PDE5A: variants seen among roughly 807,000 people sequenced by gnomAD.
PDE5A encodes cGMP-specific 3',5'-cyclic phosphodiesterase.
A neutral mutation model predicts 110.2 loss-of-function variants in PDE5A; 67 were observed. The ratio of observed to expected loss-of-function variants is 0.61; its 90% confidence interval spans 0.50 to 0.75. The LOEUF (loss-of-function observed/expected upper bound fraction) is 0.75, where lower values mean the gene tolerates loss of function less well. PDE5A is among the 30% of genes least tolerant of loss of function. The probability of loss-of-function intolerance (pLI) is 0.00; values close to 1 mark genes in which losing one functional copy is unlikely to be tolerated. For synonymous variants in PDE5A, 328 were observed against 351.2 expected (o/e 0.93, Z 0.74); for missense variants, 862 against 1,045.1 (o/e 0.82, Z 2.42).
At position 119,544,769 on chromosome 4, in the gene PDE5A, C is replaced by T. The variant is rs1173384256; in HGVS notation, c.1397-2135G>A. ...GCAATCTGCGAGGCTTATGACCTAG[C>T]TAAGTATCTCTCCAGTACAGCAGTT... On this transcript the variant is annotated intron_variant, in intron 9 of 20. Transcript: ENST00000354960. Among the ~76,000 whole-genome samples, 6 of 152,302 alleles carry T rather than the reference C, an allele frequency of 3.9e-5. No individual in the cohort carries two copies. In the East Asian group the frequency reaches 1.2e-3, roughly 29 times the overall value.
intron 3 of PDE5A, 147 bp downstream of exon 3, chr4:119,596,375 AG>A (rs1729151509): frequency 2.2e-6 from 1 of 454,072 alleles, no homozygotes; most frequent in Non-Finnish European, 3.9e-6. Flanking sequence ...AAATCTAAAT[AG>A]AAAAAAAATC....
At chr4:119,523,548 A>C (rs1726203628) in intron 12 of PDE5A, among the ~76,000 whole-genome samples, 1 of 152,038 alleles carries the variant, frequency 6.6e-6, no homozygotes, top group Non-Finnish European at 1.5e-5. Flanking sequence ...TTCAAGTTTG[A>C]TGTTGGCCAG....
intron 14 of PDE5A, among the ~76,000 whole-genome samples, chr4:119,512,172 A>G (rs1180592086): frequency 6.6e-6 from 1 of 152,144 alleles, no homozygotes; most frequent in Non-Finnish European, 1.5e-5. Context: ...GGGGGAAAAA[A>G]TGGGTAAAGT....
intron 1 of PDE5A, among the ~76,000 whole-genome samples, chr4:119,608,832 T>C (rs1038309883): frequency 6.6e-6 from 1 of 152,198 alleles, no homozygotes; most frequent in Non-Finnish European, 1.5e-5. Context: ...TATAGGGATG[T>C]AGTCACTCTC....
chr4:119,575,276 A>C (rs1728292193), intron 3 of PDE5A, among the ~76,000 whole-genome samples: 1 of 152,238 alleles, frequency 6.6e-6, no homozygotes. Flanking sequence ...GATATTATAC[A>C]GGAGAACTTC....
intron 1 of PDE5A, among the ~76,000 whole-genome samples, chr4:119,624,461 T>A (rs978728170): frequency 6.6e-6 from 1 of 152,178 alleles, no homozygotes; most frequent in African/African-American, 2.4e-5. Flanking sequence ...CCTCAATTAA[T>A]TCAGCACAGC....
Position 119,611,036 on chromosome 4 carries a change from T to G in PDE5A, c.153-3739A>C, listed in dbSNP as rs568982189. ...CCTACAAATAGGTTCCTCTCGCCCA[T>G]GCCAGCATCCTTGGCGCTCCTGAAG... On this transcript the variant is annotated intron_variant, in intron 1 of 20. Transcript: ENST00000354960. Among the ~76,000 whole-genome samples the G allele has an allele frequency of 2.6e-5, 4 of 152,324 alleles. No homozygotes were observed. The South Asian group carries it at 8.3e-4, about 32-fold the overall frequency.
intron 17 of PDE5A, among the ~76,000 whole-genome samples, chr4:119,505,603 T>C (rs921774200): frequency 6.6e-6 from 1 of 151,984 alleles, no homozygotes; most frequent in Non-Finnish European, 1.5e-5. Flanking sequence ...TAGCCATATA[T>C]TGATACTCTA....
At chr4:119,608,976 TG>T (rs1387775468) in intron 1 of PDE5A, among the ~76,000 whole-genome samples, 3 of 151,936 alleles carry the variant, frequency 2.0e-5, no homozygotes, top group African/African-American at 7.3e-5. Flanking sequence ...CCTGGCTACA[TG>T]GTGAAACCCC....
At chr4:119,577,715 C>T (rs1728411144) in intron 3 of PDE5A, among the ~76,000 whole-genome samples, 4 of 152,174 alleles carry the variant, frequency 2.6e-5, no homozygotes, top group South Asian at 4.1e-4. Context: ...CTATGACAAA[C>T]CCACAGCCAA....
chr4:119,540,406 A>G (rs1012471877), intron 10 of PDE5A, among the ~76,000 whole-genome samples: 3 of 152,130 alleles, frequency 2.0e-5, no homozygotes, highest in Non-Finnish European at 2.9e-5. Context: ...TCACTAGGAA[A>G]CCTCAAGAAA....
chr4:119,579,857 T>TACA (rs1216750898), intron 3 of PDE5A, among the ~76,000 whole-genome samples: 1 of 151,716 alleles, frequency 6.6e-6, no homozygotes, highest in African/African-American at 2.4e-5. Context: ...AAAAAAGATC[T>TACA]GTGAGTTTCA....
At chr4:119,598,613 C>T (rs1729233688) in intron 2 of PDE5A, among the ~76,000 whole-genome samples, 2 of 152,172 alleles carry the variant, frequency 1.3e-5, no homozygotes. Flanking sequence ...CTGCTGAAGA[C>T]ATCTATAAGA....
rs1194212328 is a variant in PDE5A at position 119,525,973 on chromosome 4, ACTC to A, written c.1633-281_1633-279del. Among the ~76,000 whole-genome samples the A allele has an allele frequency of 6.6e-6, 1 of 151,940 alleles. No individual in the cohort carries two copies. Among genetic ancestry groups the A allele is most frequent in the Non-Finnish European group, 1.5e-5 (1 of 67,984 alleles). On this transcript the variant is annotated intron_variant, in intron 11 of 20. Transcript: ENST00000354960. This position sits in a 1 kb window ranked among gnomAD's most constrained non-coding sequence, Gnocchi z 4.3. Reference sequence around the variant, plus strand: ...CCTGGAACAGTGAGCAACACTAAGAACTCCTCTAGTGATCTGGCTCCTTTATAC... The same window carrying A: ...CCTGGAACAGTGAGCAACACTAAGAACTCTAGTGATCTGGCTCCTTTATAC...
intron 13 of PDE5A, chr4:119,519,754 T>G (rs532592770): frequency 6.6e-6 from 1 of 152,134 alleles, no homozygotes; most frequent in East Asian, 1.9e-4. Flanking sequence ...TCTAAATAGG[T>G]TTTACAACAA....
Position 119,497,765 on chromosome 4 carries a change from A to C in PDE5A, c.*836T>G, listed in dbSNP as rs1725129766. 1.3e-5 allele frequency: 2 copies of C among 152,170 alleles called. No individual in the cohort carries two copies. The highest frequency in any genetic ancestry group is 2.1e-4 in the South Asian group (1 of 4,822). The allele number at this position is 152,170 out of a possible 1,614,324, so 9.4% of individuals were successfully genotyped here. On this transcript the variant is annotated 3_prime_UTR_variant, in exon 21 of 21. Transcript: ENST00000354960. ...TGAAAAGGAAGCTCAGAAGGAAAAA[A>C]ACTCTTAGAGAGATCTTCTAACAGA...
intron 13 of PDE5A, among the ~76,000 whole-genome samples, chr4:119,520,292 C>T (rs1726076842): frequency 6.6e-6 from 1 of 151,954 alleles, no homozygotes; most frequent in Admixed American, 6.6e-5. Flanking sequence ...ATGATGGATG[C>T]CTGGAATCAC....
At chr4:119,566,235 T>G (rs567419618) in intron 4 of PDE5A, among the ~76,000 whole-genome samples, 315 of 152,218 alleles carry the variant, frequency 2.1e-3, no homozygotes, top group Non-Finnish European at 3.7e-3. Context: ...GAAGCAATTA[T>G]AACAAGGGGA....
chr4:119,522,445 T>C (rs184799903), intron 12 of PDE5A, among the ~76,000 whole-genome samples: 64 of 151,988 alleles, frequency 4.2e-4, no homozygotes, highest in Non-Finnish European at 1.5e-4. Context: ...GTTTAGAAAA[T>C]ATGTTGCAGA....
Sources: allele counts gnomAD v4.1 joint callset (sites outside exome capture counted in the v4.1 genomes callset), GRCh38; gene constraint gnomAD v4.1.1; non-coding constraint Gnocchi (gnomAD v3.1); transcripts MANE v1.5; gene names NCBI Gene and HGNC (gene_info 2026-07-23, HGNC 2026-07-21).